The following ETV6 variants were observed in gnomAD, a reference collection of about 807,000 sequenced individuals.
ETV6 encodes the protein ETS variant transcription factor 6.
In ETV6, 16 loss-of-function variants were observed where a neutral mutation model predicts 51.1. The observed-to-expected ratio is 0.31, with a 90% CI of 0.21 to 0.48. ETV6 has a LOEUF of 0.48. Among genes scored for constraint, ETV6 ranks in the 20% least tolerant of loss-of-function variants. The probability of loss-of-function intolerance (pLI) is 0.99; values close to 1 mark genes in which losing one functional copy is unlikely to be tolerated. For missense variants in ETV6, 458 were observed against 594.8 expected (o/e 0.77, Z 2.39); for synonymous variants, 240 against 224.1 (o/e 1.07, Z -0.64).
chr12:11,813,223 G>T (rs777948141), intron 2 of ETV6, among the ~76,000 whole-genome samples: 41 of 152,190 alleles, frequency 2.7e-4, no homozygotes, highest in Non-Finnish European at 5.0e-4. Context: ...ACTGAGAAGA[G>T]AACCAGCATT....
chr12:11,699,885 A>C (rs1647964512), intron 1 of ETV6, among the ~76,000 whole-genome samples: 1 of 152,198 alleles, frequency 6.6e-6, no homozygotes, highest in Admixed American at 6.5e-5. Context: ...GACTTCCTTC[A>C]TTAAACTGTT....
intron 2 of ETV6, among the ~76,000 whole-genome samples, chr12:11,789,511 T>C (rs1945548933): frequency 6.6e-6 from 1 of 152,110 alleles, no homozygotes; most frequent in Non-Finnish European, 1.5e-5. Flanking sequence ...TCACTTTTTC[T>C]CTCCTTCGGG....
chr12:11,713,614 A>C (rs1865214928), intron 1 of ETV6, among the ~76,000 whole-genome samples: 1 of 152,106 alleles, frequency 6.6e-6, no homozygotes, highest in Non-Finnish European at 1.5e-5. Flanking sequence ...TCTTCCACTC[A>C]GGGGGGCTTT....
intron 1 of ETV6, among the ~76,000 whole-genome samples, chr12:11,693,805 G>A (rs1864818066): frequency 2.0e-5 from 3 of 152,144 alleles, no homozygotes; most frequent in Admixed American, 2.0e-4. Flanking sequence ...GATGGCTGCT[G>A]CACCCACATC....
intron 2 of ETV6, among the ~76,000 whole-genome samples, chr12:11,796,342 T>C (rs1015224194): frequency 2.0e-5 from 3 of 152,222 alleles, no homozygotes; most frequent in African/African-American, 7.2e-5. Flanking sequence ...TTACCTGTTA[T>C]GTGCCATATT....
At chr12:11,756,074 A>G (rs1186677085) in intron 2 of ETV6, among the ~76,000 whole-genome samples, 1 of 152,238 alleles carries the variant, frequency 6.6e-6, no homozygotes, top group Non-Finnish European at 1.5e-5. Flanking sequence ...CAGCATGACA[A>G]ATTAGCAAGT....
intron 4 of ETV6, among the ~76,000 whole-genome samples, chr12:11,861,191 C>G (rs1946710579): frequency 6.6e-6 from 1 of 152,126 alleles, no homozygotes; most frequent in East Asian, 1.9e-4. Context: ...AATCTGGCAG[C>G]AGGTAACGAC....
At chr12:11,698,756 G>T (rs1398742877) in intron 1 of ETV6, among the ~76,000 whole-genome samples, 1 of 152,186 alleles carries the variant, frequency 6.6e-6, no homozygotes, top group Non-Finnish European at 1.5e-5. Flanking sequence ...TGAGCTGGTG[G>T]TTGCATTGAA....
At chr12:11,701,603 G>T (rs1050600717) in intron 1 of ETV6, among the ~76,000 whole-genome samples, 1 of 152,252 alleles carries the variant, frequency 6.6e-6, no homozygotes, top group South Asian at 2.1e-4. Context: ...TTCCTGAGTG[G>T]TATTCTTTGA....
At chr12:11,817,210 A>G (rs1946006423) in intron 2 of ETV6, among the ~76,000 whole-genome samples, 1 of 152,224 alleles carries the variant, frequency 6.6e-6, no homozygotes, top group South Asian at 2.1e-4. Flanking sequence ...TGTTATGAAG[A>G]TGAAATTGAA....
At chr12:11,738,858 CAA>C (rs767416115) in intron 1 of ETV6, among the ~76,000 whole-genome samples, 1 of 152,098 alleles carries the variant, frequency 6.6e-6, no homozygotes, top group Non-Finnish European at 1.5e-5. Context: ...AAGTCATATC[CAA>C]AAGAGTGCCC....
intron 1 of ETV6, among the ~76,000 whole-genome samples, chr12:11,678,817 G>A (rs1864470389): frequency 6.6e-6 from 1 of 152,188 alleles, no homozygotes; most frequent in African/African-American, 2.4e-5. Context: ...GGGGATTGGA[G>A]AAGATGAGAT....
intron 2 of ETV6, among the ~76,000 whole-genome samples, chr12:11,819,233 T>TGA (rs1946040909): frequency 6.6e-6 from 1 of 152,118 alleles, no homozygotes; most frequent in Non-Finnish European, 1.5e-5. Context: ...CTGCTGCCCC[T>TGA]CTGCCCTGGC....
At chr12:11,743,014 C>T (rs1444871120) in intron 1 of ETV6, among the ~76,000 whole-genome samples, 3 of 151,884 alleles carry the variant, frequency 2.0e-5, no homozygotes, top group African/African-American at 7.3e-5. Context: ...CGCCATGTTG[C>T]CCAGGCTGGT....
At chr12:11,705,437 G>A (rs754810185) in intron 1 of ETV6, among the ~76,000 whole-genome samples, 1 of 152,086 alleles carries the variant, frequency 6.6e-6, no homozygotes. Context: ...GATGATTTTC[G>A]AGCGGCTTTC....
At position 11,804,983 on chromosome 12, in the gene ETV6, A is replaced by G. The variant is rs115130969; in HGVS notation, c.164-34157A>G. On this transcript the variant is annotated intron_variant, in intron 2 of 7. Transcript: ENST00000396373. Reference sequence around the variant, plus strand: ...ATGAAGATTTCCACTGAGTTCCCCTATATTCCAGAGCTGCTCACCCTTGCT... The same window carrying G: ...ATGAAGATTTCCACTGAGTTCCCCTGTATTCCAGAGCTGCTCACCCTTGCT... Among the ~76,000 whole-genome samples, 713 of 152,240 alleles carry G rather than the reference A, an allele frequency of 4.7e-3. 10 individuals are homozygous for G. The highest frequency in any genetic ancestry group is 0.016 in the African/African-American group (677 of 41,534).
chr12:11,726,568 A>C (rs779623029), intron 1 of ETV6, among the ~76,000 whole-genome samples: 8 of 152,158 alleles, frequency 5.3e-5, no homozygotes, highest in Non-Finnish European at 1.0e-4. Flanking sequence ...GCTTGCCCCC[A>C]GGAGTTCAAG....
chr12:11,889,120 G>A (rs1396662495), intron 7 of ETV6, among the ~76,000 whole-genome samples: 1 of 152,144 alleles, frequency 6.6e-6, no homozygotes, highest in Non-Finnish European at 1.5e-5. Flanking sequence ...GGTGGTTTGG[G>A]GGGCCAAGCA....
At chr12:11,716,469 C>T (rs1165036994) in intron 1 of ETV6, 3 of 151,482 alleles carry the variant, frequency 2.0e-5, no homozygotes, top group Non-Finnish European at 2.9e-5. Flanking sequence ...CATCATCCTG[C>T]TTCTGTTTCT....
Sources: gnomAD v4.1 joint callset for allele counts (sites outside exome capture counted in the v4.1 genomes callset) on GRCh38, gnomAD v4.1.1 for gene constraint, MANE v1.5 for transcripts, NCBI Gene and HGNC (gene_info 2026-07-23, HGNC 2026-07-21) for gene names.